Variants in SYN3 observed in about 807,000 individuals in gnomAD.
SYN3 encodes the protein synapsin III, also known as synapsin-3.
In SYN3, 35 loss-of-function variants were observed where a neutral mutation model predicts 65.8. That is an observed-to-expected ratio of 0.53 (90% confidence interval 0.41 to 0.70). The LOEUF (loss-of-function observed/expected upper bound fraction) is 0.70. SYN3 is among the 30% of genes least tolerant of loss of function. The pLI is 0.00. For synonymous variants in SYN3, 270 were observed against 292.9 expected, an observed-to-expected ratio of 0.92 and a Z score of 0.80; for missense variants, 680 against 749.0, an observed-to-expected ratio of 0.91 and a Z score of 1.08.
Position 32,674,187 on chromosome 22 carries a change from G to A in SYN3, c.712-77451C>T, listed in dbSNP as rs2060409921. ...GATGCCAGGTTTCTGGTTTAGCAGAGACTGAGATTGTTTTCCAAGCTGTGA... is the reference window on the plus strand; with the variant it reads ...GATGCCAGGTTTCTGGTTTAGCAGAAACTGAGATTGTTTTCCAAGCTGTGA... On this transcript the variant is annotated intron_variant, in intron 6 of 13. Transcript: ENST00000358763. Among the ~76,000 whole-genome samples, 4 of 152,146 alleles carry A rather than the reference G, an allele frequency of 2.6e-5. No homozygotes were observed. In the South Asian group the frequency reaches 8.3e-4, roughly 32 times the overall value.
chr22:32,770,196 C>T lies in SYN3; in HGVS notation c.711+94719G>A, dbSNP rs557651633. ...TTCAAAATAAAATCAGAATTGACCT[C>T]GTTTTACCACATCTATCACTAACTC... On this transcript the variant is annotated intron_variant, in intron 6 of 13. Transcript: ENST00000358763. 1.7e-4 allele frequency among the ~76,000 whole-genome samples: 26 copies of T among 152,260 alleles called. No homozygotes were observed. The South Asian group carries it at 4.4e-3, about 26-fold the overall frequency.
chr22:33,022,406 C>T (rs1384128102), intron 1 of SYN3, among the ~76,000 whole-genome samples: 6 of 152,238 alleles, frequency 3.9e-5, no homozygotes, highest in Non-Finnish European at 8.8e-5. Flanking sequence ...GTCCAACATG[C>T]ACCTGCTGAG....
intron 6 of SYN3, among the ~76,000 whole-genome samples, chr22:32,747,304 C>CAAAAACAAAACAAAACAAAA (rs1230160644): frequency 6.3e-5 from 2 of 31,650 alleles, no homozygotes; most frequent in African/African-American, 3.1e-4. Context: ...CTTCCAAGAC[C>CAAAAACAAAACAAAACAAAA]AAAAACAAAA....
intron 6 of SYN3, among the ~76,000 whole-genome samples, chr22:32,648,344 C>T (rs564193925): frequency 2.0e-4 from 31 of 152,198 alleles, no homozygotes; most frequent in African/African-American, 6.3e-4. Context: ...TTTCTTTTGT[C>T]AGGAGATACT....
At chr22:32,687,525 T>G (rs2060607644) in intron 6 of SYN3, among the ~76,000 whole-genome samples, 1 of 152,198 alleles carries the variant, frequency 6.6e-6, no homozygotes, top group Non-Finnish European at 1.5e-5. Context: ...TGCTGCCCGC[T>G]AAGTCTAAGC....
intron 3 of SYN3, among the ~76,000 whole-genome samples, chr22:32,951,656 C>T (rs1292695635): frequency 6.6e-6 from 1 of 152,176 alleles, no homozygotes; most frequent in Non-Finnish European, 1.5e-5. Flanking sequence ...CAAGTTCCAC[C>T]CTGGAAATTA....
At chr22:33,007,563 A>C (rs1443372520) in intron 1 of SYN3, among the ~76,000 whole-genome samples, 1 of 152,166 alleles carries the variant, frequency 6.6e-6, no homozygotes, top group African/African-American at 2.4e-5. Flanking sequence ...CACGCGATGG[A>C]AGTACAGCCC....
intron 12 of SYN3, among the ~76,000 whole-genome samples, chr22:32,521,352 T>C (rs577941528): frequency 3.9e-5 from 6 of 152,124 alleles, no homozygotes; most frequent in Non-Finnish European, 8.8e-5. Context: ...CCAGGGACAG[T>C]TGCTGTATAG....
chr22:32,548,444 C>G (rs2058364950), intron 7 of SYN3, among the ~76,000 whole-genome samples: 1 of 152,200 alleles, frequency 6.6e-6, no homozygotes, highest in Non-Finnish European at 1.5e-5. Context: ...ACGATCTCAG[C>G]TCACTGCAAC....
At chr22:32,806,611 T>C (rs1488974582) in intron 6 of SYN3, among the ~76,000 whole-genome samples, 1 of 152,220 alleles carries the variant, frequency 6.6e-6, no homozygotes, top group Non-Finnish European at 1.5e-5. Flanking sequence ...CCTAGGCACA[T>C]ATGGGCTACC....
intron 4 of SYN3, among the ~76,000 whole-genome samples, chr22:32,927,132 G>A (rs1601711077): frequency 6.6e-6 from 1 of 152,222 alleles, no homozygotes; most frequent in East Asian, 1.9e-4. Flanking sequence ...AACCAGCACT[G>A]CTGTATAAGC....
At chr22:32,863,690 C>T (rs1443421690) in intron 6 of SYN3, among the ~76,000 whole-genome samples, 1 of 152,160 alleles carries the variant, frequency 6.6e-6, no homozygotes, top group Non-Finnish European at 1.5e-5. Context: ...AGGTACAGCA[C>T]TTTATATACA....
intron 3 of SYN3, among the ~76,000 whole-genome samples, chr22:32,964,314 A>G (rs976344200): frequency 7.0e-4 from 105 of 150,032 alleles, no homozygotes; most frequent in African/African-American, 2.5e-3. Context: ...TAGCATTAAC[A>G]TGTTAAATGA....
chr22:32,660,867 C>T (rs910968006), intron 6 of SYN3, among the ~76,000 whole-genome samples: 2 of 152,170 alleles, frequency 1.3e-5, no homozygotes, highest in Non-Finnish European at 2.9e-5. Context: ...AGGACCACCA[C>T]CCAGGCGAGG....
chr22:32,825,487 C>T (rs984850818), intron 6 of SYN3, among the ~76,000 whole-genome samples: 1 of 151,358 alleles, frequency 6.6e-6, no homozygotes, highest in African/African-American at 2.4e-5. Context: ...GGTGAAACCC[C>T]GTCTTTACTA....
At chr22:32,798,843 C>G (rs1031327276) in intron 6 of SYN3, among the ~76,000 whole-genome samples, 3 of 151,974 alleles carry the variant, frequency 2.0e-5, no homozygotes, top group East Asian at 1.9e-4. Flanking sequence ...AGGCGCCCAC[C>G]ACCACACCTG....
At position 32,890,675 on chromosome 22, in the gene SYN3, C is replaced by T. The variant is rs1026911117; in HGVS notation, c.462-21550G>A. Among the ~76,000 whole-genome samples, 5 of 152,220 alleles carry T rather than the reference C, an allele frequency of 3.3e-5. No homozygotes were observed. The South Asian group carries it at 8.3e-4, about 25-fold the overall frequency. On this transcript the variant is annotated intron_variant, in intron 4 of 13. Transcript: ENST00000358763. ...GATTACAGGTGTGAGCCACCGCGCC[C>T]GGCCGATTTAGCACATTTTTAACCT...
At chr22:32,843,681 A>G (rs2047979770) in intron 6 of SYN3, among the ~76,000 whole-genome samples, 1 of 152,028 alleles carries the variant, frequency 6.6e-6, no homozygotes, top group South Asian at 2.1e-4. Flanking sequence ...TTTTCCTCCA[A>G]GTCTAGGCCG....
intron 3 of SYN3, among the ~76,000 whole-genome samples, chr22:32,962,859 T>C (rs989697190): frequency 6.6e-6 from 1 of 151,234 alleles, no homozygotes; most frequent in Non-Finnish European, 1.5e-5. Context: ...TATCTGTCTG[T>C]CTTACCTACC....
Sources: gnomAD v4.1 joint callset for allele counts (sites outside exome capture counted in the v4.1 genomes callset) on GRCh38, gnomAD v4.1.1 for gene constraint, MANE v1.5 for transcripts, NCBI Gene and HGNC (gene_info 2026-07-23, HGNC 2026-07-21) for gene names.